Variants in IMMP2L observed in about 807,000 individuals in gnomAD.
The protein encoded by IMMP2L is mitochondrial inner membrane protease subunit 2.
IMMP2L carries 18 observed loss-of-function variants against 19.3 expected under a neutral mutation model. That is an observed-to-expected ratio of 0.93 (90% CI 0.64 to 1.38). IMMP2L has a LOEUF of 1.38. IMMP2L is among the 40% of genes most tolerant of loss of function. The pLI is 0.00. For synonymous variants in IMMP2L, 76 were observed against 73.0 expected (o/e 1.04, Z -0.21); for missense variants, 233 against 218.2 (o/e 1.07, Z -0.43).
intron 3 of IMMP2L, among the ~76,000 whole-genome samples, chr7:111,374,638 C>A (rs1280393380): frequency 6.6e-6 from 1 of 152,010 alleles, no homozygotes; most frequent in Non-Finnish European, 1.5e-5. Context: ...AAAGTTAAAC[C>A]CAAAAGACAG....
intron 5 of IMMP2L, among the ~76,000 whole-genome samples, chr7:110,692,219 T>G (rs1793557084): frequency 6.6e-6 from 1 of 152,210 alleles, no homozygotes; most frequent in East Asian, 1.9e-4. Flanking sequence ...TTATGTGAAG[T>G]GAAGTAACTC....
rs555290131 is a variant in IMMP2L at position 111,392,978 on chromosome 7, G to A, written c.239+94260C>T. 5.9e-4 allele frequency: 225 copies of A among 383,446 alleles called. 3 individuals are homozygous for A. Among genetic ancestry groups the A allele is most frequent in the South Asian group, 4.2e-3 (216 of 51,536 alleles). The allele number at this position is 383,446 out of a possible 1,614,324, so 23.8% of individuals were successfully genotyped here. A position where few individuals can be genotyped will look rare whatever the true frequency, so the allele number is the denominator to read the frequency against. On this transcript the variant is annotated intron_variant, in intron 3 of 5. Coordinates refer to ENST00000405709, the MANE Select transcript of IMMP2L (RefSeq NM_032549.4). ...AAAAGTCTCAGAACCCAAGCATTTA[G>A]GGGTTTTTGTGGAGGCTGCATTACA...
chr7:111,330,313 A>T (rs1045295971), intron 3 of IMMP2L, among the ~76,000 whole-genome samples: 6 of 151,854 alleles, frequency 4.0e-5, no homozygotes, highest in African/African-American at 1.4e-4. Flanking sequence ...TAGAGAAAAA[A>T]GTAAAAAGGG....
At chr7:110,796,415 A>G (rs1426248254) in intron 5 of IMMP2L, among the ~76,000 whole-genome samples, 3 of 151,944 alleles carry the variant, frequency 2.0e-5, no homozygotes, top group Non-Finnish European at 2.9e-5. Context: ...CAACACAACA[A>G]TTCAAAATGG....
intron 5 of IMMP2L, chr7:110,665,021 A>C (rs1791346771): frequency 6.6e-6 from 1 of 152,244 alleles, no homozygotes; most frequent in Non-Finnish European, 1.5e-5. Flanking sequence ...GGCTTCCAAA[A>C]AGATAATCAA....
chr7:111,403,002 C>CCA (rs897252021), intron 3 of IMMP2L, among the ~76,000 whole-genome samples: 6 of 106,226 alleles, frequency 5.6e-5, no homozygotes, highest in Non-Finnish European at 1.2e-4. Flanking sequence ...CCCCCCCCCC[C>CCA]CACCCCGCCA....
intron 3 of IMMP2L, among the ~76,000 whole-genome samples, chr7:111,458,239 G>A (rs746658370): frequency 4.6e-5 from 7 of 152,030 alleles, no homozygotes; most frequent in Admixed American, 6.6e-5. Flanking sequence ...TTAGCTGGGC[G>A]TGATGGCGTG....
intron 3 of IMMP2L, among the ~76,000 whole-genome samples, chr7:111,061,080 T>C (rs1793972307): frequency 6.6e-6 from 1 of 152,164 alleles, no homozygotes; most frequent in Non-Finnish European, 1.5e-5. Flanking sequence ...CTAAAACAAA[T>C]GTATATGCGT....
chr7:111,132,030 T>C (rs898890585), intron 3 of IMMP2L, among the ~76,000 whole-genome samples: 1 of 151,892 alleles, frequency 6.6e-6, no homozygotes, highest in Non-Finnish European at 1.5e-5. Context: ...TCCTATTATC[T>C]TCTAACTCTC....
intron 5 of IMMP2L, among the ~76,000 whole-genome samples, chr7:110,738,899 G>C (rs1358628799): frequency 1.3e-5 from 2 of 152,164 alleles, no homozygotes; most frequent in African/African-American, 2.4e-5. Context: ...AAGGGATTGA[G>C]GTCCTATTTT....
At chr7:110,912,692 T>A (rs532228919) in intron 4 of IMMP2L, among the ~76,000 whole-genome samples, 62 of 152,136 alleles carry the variant, frequency 4.1e-4, no homozygotes, top group African/African-American at 1.4e-3. Flanking sequence ...ACAATGCCCA[T>A]GTAAAAACAA....
intron 5 of IMMP2L, among the ~76,000 whole-genome samples, chr7:110,687,368 A>G (rs1692903855): frequency 6.6e-6 from 1 of 152,094 alleles, no homozygotes; most frequent in Non-Finnish European, 1.5e-5. Flanking sequence ...TGAGATGTCT[A>G]TAAGGGCCTC....
At chr7:111,227,316 C>T (rs1813212395) in intron 3 of IMMP2L, among the ~76,000 whole-genome samples, 1 of 152,036 alleles carries the variant, frequency 6.6e-6, no homozygotes, top group South Asian at 2.1e-4. Context: ...TCATTTGCTA[C>T]CCGAAGTATT....
At chr7:110,749,598 G>T (rs1697971006) in intron 5 of IMMP2L, among the ~76,000 whole-genome samples, 1 of 152,108 alleles carries the variant, frequency 6.6e-6, no homozygotes. Context: ...CCTTTGCAGG[G>T]ACATGGATGA....
chr7:110,792,081 C>T (rs1379877915), intron 5 of IMMP2L, among the ~76,000 whole-genome samples: 2 of 151,768 alleles, frequency 1.3e-5, no homozygotes, highest in Non-Finnish European at 2.9e-5. Flanking sequence ...TTCTACCTAT[C>T]ATCTATGTAC....
At chr7:111,415,112 T>G (rs911256836) in intron 3 of IMMP2L, among the ~76,000 whole-genome samples, 1 of 151,860 alleles carries the variant, frequency 6.6e-6, no homozygotes, top group East Asian at 1.9e-4. Context: ...GGGTCCTCCT[T>G]GAAGGATAAG....
chr7:111,333,634 G>A (rs183754143), intron 3 of IMMP2L, among the ~76,000 whole-genome samples: 3 of 152,184 alleles, frequency 2.0e-5, no homozygotes, highest in East Asian at 3.9e-4. Flanking sequence ...AGACAAAGGA[G>A]AGACAGACCC....
At chr7:110,869,131 C>G (rs1808295468) in intron 5 of IMMP2L, among the ~76,000 whole-genome samples, 1 of 152,020 alleles carries the variant, frequency 6.6e-6, no homozygotes, top group Admixed American at 6.6e-5. Context: ...TCCCAGAGTT[C>G]AGGAAAATCA....
At chr7:111,063,948 A>G (rs1176387055) in intron 3 of IMMP2L, among the ~76,000 whole-genome samples, 1 of 151,994 alleles carries the variant, frequency 6.6e-6, no homozygotes, top group East Asian at 1.9e-4. Flanking sequence ...ACCTGTTCCA[A>G]CCTTTGCTTG....
Sources: allele counts gnomAD v4.1 joint callset (sites outside exome capture counted in the v4.1 genomes callset), GRCh38; gene constraint gnomAD v4.1.1; transcripts MANE v1.5; gene names NCBI Gene and HGNC (gene_info 2026-07-23, HGNC 2026-07-21).